HMCN1: variants seen among roughly 807,000 people sequenced by gnomAD.
HMCN1 encodes the protein hemicentin 1.
In HMCN1, 321 loss-of-function variants were observed where a neutral mutation model predicts 625.9. The observed-to-expected ratio is 0.51, with a 90% CI of 0.47 to 0.56. HMCN1 has a LOEUF of 0.56. Ranked by LOEUF, HMCN1 falls within the 20% of genes least tolerant of loss-of-function variation. HMCN1 has a pLI of 0.00. For synonymous variants in HMCN1, 2,425 were observed against 2,417.6 expected (o/e 1.00, Z -0.09); for missense variants, 6,588 against 6,887.3 (o/e 0.96, Z 1.54).
At position 185,783,452 on chromosome 1, in the gene HMCN1, CT is replaced by C. The variant is rs201713529; in HGVS notation, c.268+48406del. On this transcript the variant is annotated intron_variant, in intron 1 of 106. Coordinates refer to ENST00000271588, the MANE Select transcript of HMCN1 (RefSeq NM_031935.3). ...TTTTAGAATTTTCAGTTTTTCTGCT[CT>C]GTTTTTTCCCCCCTTTGTGGTTTTA... Among the ~76,000 whole-genome samples, 1,402 of 152,224 alleles carry C rather than the reference CT, an allele frequency of 9.2e-3. 21 individuals carry two copies. Among genetic ancestry groups the C allele is most frequent in the African/African-American group, 0.03 (1,260 of 41,542 alleles).
intron 14 of HMCN1, among the ~76,000 whole-genome samples, chr1:185,968,397 A>G (rs546745776): frequency 6.6e-6 from 1 of 151,934 alleles, no homozygotes; most frequent in Admixed American, 6.6e-5. Flanking sequence ...TAAAAATATA[A>G]TATGTTCATT....
At chr1:185,848,530 T>C (rs951964089) in intron 2 of HMCN1, among the ~76,000 whole-genome samples, 10 of 152,154 alleles carry the variant, frequency 6.6e-5, no homozygotes, top group African/African-American at 2.4e-4. Context: ...TCTCCTTAGG[T>C]AAAATCATCC....
chr1:185,833,594 TCA>T (rs1225520477), intron 1 of HMCN1, among the ~76,000 whole-genome samples: 2 of 152,176 alleles, frequency 1.3e-5, no homozygotes, highest in African/African-American at 2.4e-5. Context: ...TGAATTTTCT[TCA>T]TTCTTTTATC....
In HMCN1 at chr1:186,187,911, G is replaced by T. The variant is rs200921760; in HGVS notation, c.16443G>T (p.Val5481=). 14 of 1,613,658 alleles carry T rather than the reference G, an allele frequency of 8.7e-6. No individual in the cohort carries two copies. The highest frequency in any genetic ancestry group is 1.2e-5 in the Non-Finnish European group (14 of 1,179,788). The stretch of plus-strand genomic sequence containing the variant: ...TCGATGAATGTCTGGAGCAGAATGT[G>T]CACTGTGGACCCAATCGCATGTGCT... ...QDIDECLEQN[V]HCGPNRMCFN... The change falls in exon 106 of 107, where the codon GTG becomes GTT. Residue 5481 remains valine, a synonymous_variant. Transcript: ENST00000271588.
intron 1 of HMCN1, among the ~76,000 whole-genome samples, chr1:185,837,849 C>A (rs1346328527): frequency 1.3e-5 from 2 of 152,116 alleles, no homozygotes; most frequent in African/African-American, 4.8e-5. Flanking sequence ...CTGGGATCAG[C>A]CAGGAAACAG....
chr1:185,819,143 A>G (rs943866720), intron 1 of HMCN1, among the ~76,000 whole-genome samples: 4 of 151,846 alleles, frequency 2.6e-5, no homozygotes, highest in African/African-American at 9.7e-5. Flanking sequence ...AGGCTGAAGT[A>G]GGAGAATCAC....
At chr1:185,841,445 G>T (rs1661472615) in intron 1 of HMCN1, among the ~76,000 whole-genome samples, 1 of 152,178 alleles carries the variant, frequency 6.6e-6, no homozygotes, top group Admixed American at 6.5e-5. Context: ...TGATTAATCA[G>T]TGTCGTCACT....
Position 186,137,939 on chromosome 1 carries a change from GA to G in HMCN1, c.13894del (p.Ile4632Ter). ...GCGGCCATGTGAAGGGAATGCTGTG[GA>G]AATAATTATGTGCAACATTAGGCCT... ...GGRPCEGNAV[E>X]IIMCNIRPCP... On this transcript the variant is annotated frameshift_variant, in exon 89 of 107. Coordinates refer to ENST00000271588, the MANE Select transcript of HMCN1 (RefSeq NM_031935.3). LOFTEE classifies it high-confidence loss of function. 1 of 1,613,982 alleles carries G rather than the reference GA, an allele frequency of 6.2e-7. No homozygotes were observed. The highest frequency in any genetic ancestry group is 8.5e-7 in the Non-Finnish European group (1 of 1,179,942).
intron 24 of HMCN1, among the ~76,000 whole-genome samples, chr1:185,996,789 A>G (rs1652821620): frequency 6.6e-6 from 1 of 152,166 alleles, no homozygotes; most frequent in Non-Finnish European, 1.5e-5. Context: ...TCTTCATGAA[A>G]TGAATGGATG....
At chr1:186,036,735 C>T (rs760174397) in intron 36 of HMCN1, among the ~76,000 whole-genome samples, 43 of 151,858 alleles carry the variant, frequency 2.8e-4, no homozygotes, top group Admixed American at 3.9e-4. Context: ...GGATTACAGG[C>T]GCCCACCACT....
chr1:186,029,410 TA>T (rs1350873608), intron 36 of HMCN1, among the ~76,000 whole-genome samples: 1 of 152,208 alleles, frequency 6.6e-6, no homozygotes, highest in Non-Finnish European at 1.5e-5. Flanking sequence ...ATTCACATAA[TA>T]GAAGATTCAT....
chr1:185,851,986 A>G (rs1662190245), intron 2 of HMCN1, among the ~76,000 whole-genome samples: 1 of 152,100 alleles, frequency 6.6e-6, no homozygotes, highest in Non-Finnish European at 1.5e-5. Context: ...AAAAGTAGGA[A>G]TATGATTAAA....
At chr1:186,053,598 T>C (rs2102280594) in intron 43 of HMCN1, among the ~76,000 whole-genome samples, 1 of 152,194 alleles carries the variant, frequency 6.6e-6, no homozygotes, top group South Asian at 2.1e-4. Flanking sequence ...ATTTTCAATT[T>C]ATTTATCAAC....
chr1:186,021,302 G>C (rs1654705527), intron 35 of HMCN1, among the ~76,000 whole-genome samples: 1 of 151,892 alleles, frequency 6.6e-6, no homozygotes, highest in Admixed American at 6.6e-5. Context: ...GACTGGAGAG[G>C]GACAAGTTTG....
chr1:186,183,725 G>A (rs76248042), intron 105 of HMCN1, among the ~76,000 whole-genome samples: 3 of 152,136 alleles, frequency 2.0e-5, no homozygotes, highest in Non-Finnish European at 4.4e-5. Context: ...ATAATCAAGA[G>A]CAGAGGTAGG....
intron 4 of HMCN1, among the ~76,000 whole-genome samples, chr1:185,889,583 T>A (rs1176423846): frequency 2.2e-5 from 3 of 135,326 alleles, no homozygotes; most frequent in African/African-American, 1.0e-4. Context: ...GGTTTTTGTC[T>A]TTGGCTCTGT....
chr1:185,823,468 C>G (rs1411783677), intron 1 of HMCN1, among the ~76,000 whole-genome samples: 1 of 152,014 alleles, frequency 6.6e-6, no homozygotes, highest in Non-Finnish European at 1.5e-5. Context: ...TAAATACTGA[C>G]AGATTTTTTT....
chr1:185,970,254 A>C, intron 14 of HMCN1, 81 bp from the exon 15 acceptor site: 1 of 1,322,288 alleles, frequency 7.6e-7, no homozygotes, highest in Non-Finnish European at 1.1e-6. Context: ...CTTTATTTGG[A>C]AGTTTTGAAA....
intron 11 of HMCN1, among the ~76,000 whole-genome samples, chr1:185,938,258 A>C (rs1263952471): frequency 6.6e-6 from 1 of 152,190 alleles, no homozygotes; most frequent in African/African-American, 2.4e-5. Flanking sequence ...TGAATAGATT[A>C]ACCAAGGTAA....
Sources: gnomAD v4.1 joint callset for allele counts (sites outside exome capture counted in the v4.1 genomes callset) on GRCh38, gnomAD v4.1.1 for gene constraint, MANE v1.5 for transcripts, NCBI Gene and HGNC (gene_info 2026-07-23, HGNC 2026-07-21) for gene names.